The following CSMD1 variants were observed in gnomAD, a reference collection of about 807,000 sequenced individuals.
The protein encoded by CSMD1 is CUB and sushi domain-containing protein 1.
CSMD1 carries 213 observed loss-of-function variants against 417.5 expected under a neutral mutation model. The ratio of observed to expected loss-of-function variants is 0.51; its 90% CI spans 0.46 to 0.57. CSMD1 has a LOEUF of 0.57. Ranked by LOEUF, CSMD1 falls within the 20% of genes least tolerant of loss-of-function variation. The pLI, the probability that CSMD1 is intolerant of heterozygous loss-of-function variation, is 0.00. For missense variants in CSMD1, 6,923 were observed against 4,529.7 expected (o/e 1.53, Z -15.17); for synonymous variants, 2,862 against 1,736.8 (o/e 1.65, Z -16.11).
intron 3 of CSMD1, among the ~76,000 whole-genome samples, chr8:4,242,861 A>G (rs573030584): frequency 6.6e-6 from 1 of 152,346 alleles, no homozygotes; most frequent in South Asian, 2.1e-4. Context: ...AAATTAGATT[A>G]AAGCATCAGG....
At chr8:3,172,197 T>A (rs994831416) in intron 37 of CSMD1, among the ~76,000 whole-genome samples, 1 of 152,190 alleles carries the variant, frequency 6.6e-6, no homozygotes, top group Non-Finnish European at 1.5e-5. Context: ...TTCTTTCCTT[T>A]TCTTCTTTGT....
intron 3 of CSMD1, among the ~76,000 whole-genome samples, chr8:4,389,852 A>G (rs933461150): frequency 2.6e-5 from 4 of 152,176 alleles, no homozygotes; most frequent in African/African-American, 7.2e-5. Flanking sequence ...TGAATATTAC[A>G]AACTTTATAT....
chr8:4,647,138 A>G (rs993948718), intron 1 of CSMD1, among the ~76,000 whole-genome samples: 1 of 152,212 alleles, frequency 6.6e-6, no homozygotes, highest in African/African-American at 2.4e-5. Context: ...TTAAATGTAT[A>G]AAAATCACAA....
intron 3 of CSMD1, among the ~76,000 whole-genome samples, chr8:4,137,287 TA>T: frequency 6.6e-6 from 1 of 152,324 alleles, no homozygotes. Flanking sequence ...GGTCTAATTT[TA>T]ATCAAAATAG....
intron 1 of CSMD1, among the ~76,000 whole-genome samples, chr8:4,735,265 G>T (rs1297880126): frequency 6.6e-6 from 1 of 152,196 alleles, no homozygotes; most frequent in East Asian, 1.9e-4. Flanking sequence ...AAAGCCTAAG[G>T]TCTTCTCATT....
chr8:3,846,644 C>A (rs981724203), intron 5 of CSMD1, among the ~76,000 whole-genome samples: 1 of 152,086 alleles, frequency 6.6e-6, no homozygotes, highest in Non-Finnish European at 1.5e-5. Flanking sequence ...ATTTCTTTAG[C>A]CTAAGGATTT....
At chr8:3,355,327 T>C (rs1808709937) in intron 21 of CSMD1, among the ~76,000 whole-genome samples, 1 of 152,200 alleles carries the variant, frequency 6.6e-6, no homozygotes, top group Non-Finnish European at 1.5e-5. Context: ...TATTAGGTTA[T>C]GGAATTATAG....
At chr8:3,531,446 C>T (rs1408378006) in intron 10 of CSMD1, among the ~76,000 whole-genome samples, 1 of 152,124 alleles carries the variant, frequency 6.6e-6, no homozygotes, top group Middle Eastern at 3.2e-3. Context: ...AACATCACCC[C>T]TCAAAAAATC....
intron 9 of CSMD1, among the ~76,000 whole-genome samples, chr8:3,579,046 T>G (rs1275207465): frequency 6.6e-6 from 1 of 152,236 alleles, no homozygotes; most frequent in Non-Finnish European, 1.5e-5. Flanking sequence ...ACATGCTTGA[T>G]AAAGGTACTT....
chr8:4,421,325 A>T (rs1050621838), intron 2 of CSMD1, among the ~76,000 whole-genome samples: 3 of 152,200 alleles, frequency 2.0e-5, no homozygotes, highest in Admixed American at 6.5e-5. Context: ...TCAACCCTAT[A>T]TAACAGTATT....
intron 1 of CSMD1, among the ~76,000 whole-genome samples, chr8:4,909,876 A>T (rs1038336536): frequency 6.6e-6 from 1 of 152,152 alleles, no homozygotes; most frequent in African/African-American, 2.4e-5. Context: ...GAAGTCATTG[A>T]TTTGGGGTTT....
intron 5 of CSMD1, among the ~76,000 whole-genome samples, chr8:3,978,109 G>C (rs963023535): frequency 6.6e-6 from 1 of 152,176 alleles, no homozygotes; most frequent in Non-Finnish European, 1.5e-5. Context: ...GTCTCATGGG[G>C]ATAACAAAAC....
Position 4,181,377 on chromosome 8 carries a change from T to G in CSMD1, c.416-149278A>C, listed in dbSNP as rs1221484303. Among the ~76,000 whole-genome samples, 4 of 151,932 alleles carry G rather than the reference T, an allele frequency of 2.6e-5. No homozygotes were observed. The East Asian group carries it at 7.7e-4, about 29-fold the overall frequency. On this transcript the variant is annotated intron_variant, in intron 3 of 69. Coordinates refer to ENST00000635120, the MANE Select transcript of CSMD1 (RefSeq NM_033225.6). ...CTCATTTATTTATTTATTTTTTTTT[T>G]GAATGCTTAAACTATAAGGCAGGGT...
At chr8:4,978,178 G>A (rs1052116232) in intron 1 of CSMD1, among the ~76,000 whole-genome samples, 1 of 152,126 alleles carries the variant, frequency 6.6e-6, no homozygotes. Flanking sequence ...CATAATTTGG[G>A]ATTTATTTTT....
At chr8:4,916,013 G>A (rs148569970) in intron 1 of CSMD1, among the ~76,000 whole-genome samples, 1 of 152,142 alleles carries the variant, frequency 6.6e-6, no homozygotes, top group African/African-American at 2.4e-5. Context: ...AGCTACACCT[G>A]TTGCCCCTCG....
At chr8:4,513,844 C>T (rs1437651266) in intron 2 of CSMD1, among the ~76,000 whole-genome samples, 1 of 152,124 alleles carries the variant, frequency 6.6e-6, no homozygotes. Flanking sequence ...CTCTGACAAC[C>T]ATAAAATTAT....
rs146691427 is a variant in CSMD1 at position 4,324,967 on chromosome 8, T to C, written c.415+94986A>G. Among the ~76,000 whole-genome samples the C allele has an allele frequency of 3.3e-4, 50 of 152,220 alleles. 1 individual carries two copies. Among genetic ancestry groups the C allele is most frequent in the African/African-American group, 1.1e-3 (47 of 41,554 alleles). On this transcript the variant is annotated intron_variant, in intron 3 of 69. Coordinates refer to ENST00000635120, the MANE Select transcript of CSMD1 (RefSeq NM_033225.6). ...GCAATTGTATTTGGAAAGGATATCA[T>C]TATATCACTGTTGACACATCATTGC...
In CSMD1 at chr8:3,335,533, C is replaced by T. The variant is rs542144879; in HGVS notation, c.3631+7761G>A. On this transcript the variant is annotated intron_variant, in intron 23 of 69. Coordinates refer to ENST00000635120, the MANE Select transcript of CSMD1 (RefSeq NM_033225.6). Reference sequence around the variant, plus strand: ...TCTCTACTAAAAATACAAAATTAGCCGGGTGTGGTGTTGGGTACCTGTAAT... The same window carrying T: ...TCTCTACTAAAAATACAAAATTAGCTGGGTGTGGTGTTGGGTACCTGTAAT... Among the ~76,000 whole-genome samples the T allele has an allele frequency of 2.1e-4, 32 of 152,086 alleles. 1 individual carries two copies. Among genetic ancestry groups the T allele is most frequent in the African/African-American group, 7.2e-4 (30 of 41,476 alleles).
chr8:4,909,616 A>C (rs1253435982), intron 1 of CSMD1, among the ~76,000 whole-genome samples: 1 of 152,092 alleles, frequency 6.6e-6, no homozygotes, highest in Non-Finnish European at 1.5e-5. Context: ...TGAGCACTTC[A>C]TGGGGTTCCT....
Sources: allele counts gnomAD v4.1 joint callset (sites outside exome capture counted in the v4.1 genomes callset), GRCh38; gene constraint gnomAD v4.1.1; transcripts MANE v1.5; gene names NCBI Gene and HGNC (gene_info 2026-07-23, HGNC 2026-07-21).